Variants in WDR36 observed in about 807,000 individuals in gnomAD.
The protein encoded by WDR36 is WD repeat-containing protein 36.
WDR36 carries 63 observed loss-of-function variants against 112.7 expected under a neutral mutation model. The ratio of observed to expected loss-of-function variants is 0.56; its 90% confidence interval spans 0.46 to 0.69. The LOEUF (loss-of-function observed/expected upper bound fraction) is 0.69, where lower values mean the gene tolerates loss of function less well. WDR36 is among the 30% of genes least tolerant of loss of function. WDR36 has a pLI of 0.00. For missense variants in WDR36, 1,226 were observed against 1,070.3 expected (o/e 1.15, Z -2.03); for synonymous variants, 410 against 362.2 (o/e 1.13, Z -1.50).
intron 16 of WDR36, among the ~76,000 whole-genome samples, chr5:111,116,805 A>G (rs117545516): frequency 6.6e-6 from 1 of 152,344 alleles, no homozygotes; most frequent in East Asian, 1.9e-4. Flanking sequence ...AAATGAAGTT[A>G]CACAATGAAG....
At chr5:111,100,541 CA>C in intron 4 of WDR36, 47 bp from the exon 5 acceptor site, 1 of 1,273,902 alleles carries the variant, frequency 7.8e-7, no homozygotes, top group East Asian at 2.6e-5. Context: ...TTACATAAAA[CA>C]TTTTAAACTA....
Position 111,121,082 on chromosome 5 carries a change from A to T in WDR36, c.2089A>T (p.Thr697Ser), listed in dbSNP as rs1326761901. The change falls in exon 19 of 23, where the codon ACT becomes TCT. Residue 697 changes from threonine (T) to serine (S), a missense_variant. Transcript: ENST00000513710. ...AGAACAGTTGAATGAGCAATTGGTG[A>T]CTCTTTCACTTCTTCCTGAATCACG... is the stretch of plus-strand genomic sequence containing the variant. ...SPEQLNEQLV[T>S]LSLLPESRWK... 6.2e-7 allele frequency: 1 copy of T among 1,613,318 alleles called. No homozygotes were observed. The highest frequency in any genetic ancestry group is 2.2e-5 in the East Asian group (1 of 44,782).
rs2112597869 is a variant in WDR36 at position 111,129,831 on chromosome 5, CAT to C, written c.*2949_*2950del. On this transcript the variant is annotated 3_prime_UTR_variant, in exon 23 of 23. Transcript: ENST00000513710. ...TCACGTCATGTATTTTCCTCTACGA[CAT>C]GTTTCTGTGTGAGTAGTTAACATGT... is the stretch of plus-strand genomic sequence containing the variant. 2 of 207,084 alleles carry C rather than the reference CAT, an allele frequency of 9.7e-6. No homozygotes were observed. The highest frequency in any genetic ancestry group is 3.8e-4 in the South Asian group (2 of 5,322). 12.8% of individuals were successfully genotyped at this position (207,084 alleles called of 1,614,324 possible).
intron 20 of WDR36, 63 bp from the exon 21 acceptor site, chr5:111,124,045 A>G: frequency 6.2e-7 from 1 of 1,601,206 alleles, no homozygotes; most frequent in Non-Finnish European, 8.5e-7. Context: ...TTTTAATTAC[A>G]AACTATACAT....
intron 22 of WDR36, 113 bp downstream of exon 22, chr5:111,125,908 TA>T: frequency 9.4e-7 from 1 of 1,062,194 alleles, no homozygotes. Flanking sequence ...TCCAGTATCA[TA>T]GCCACTTGCC....
chr5:111,110,058 TA>T lies in WDR36; in HGVS notation c.1327-129del, dbSNP rs796149781. 85 of 686,512 alleles carry T rather than the reference TA, an allele frequency of 1.2e-4. No individual in the cohort carries two copies. In the African/African-American group the frequency reaches 1.4e-3, roughly 11 times the overall value. 42.5% of individuals were successfully genotyped at this position (686,512 alleles called of 1,614,324 possible). Reference sequence around the variant, plus strand: ...TATAATTACTTTATGTTAAAAAAACTAATGAAGCAATTCATTTATTGTTCTT... The same window carrying T: ...TATAATTACTTTATGTTAAAAAAACTATGAAGCAATTCATTTATTGTTCTT... On this transcript the variant is annotated intron_variant, in intron 12 of 22. Coordinates refer to ENST00000513710, the MANE Select transcript of WDR36 (RefSeq NM_139281.3).
At position 111,092,583 on chromosome 5, in the gene WDR36, A is replaced by G. The variant is rs1464273931; in HGVS notation, c.127A>G (p.Thr43Ala). The change falls in exon 1 of 23, where the codon ACA becomes GCA. Residue 43 changes from threonine to alanine, a missense_variant. Thr to Ala is a moderately conservative substitution (Grantham distance 58). Coordinates refer to ENST00000513710, the MANE Select transcript of WDR36 (RefSeq NM_139281.3). ...FSALKRRFYV[T>A]TCVGKSFHTY... ...CGCGCTCAAGCGCCGGTTCTATGTAACAACCTGCGTGGGCAAGAGTTTCCA... is the reference window on the plus strand; with the variant it reads ...CGCGCTCAAGCGCCGGTTCTATGTAGCAACCTGCGTGGGCAAGAGTTTCCA... The G allele has an allele frequency of 1.9e-6, 3 of 1,614,090 alleles. No individual in the cohort carries two copies. The highest frequency in any genetic ancestry group is 1.7e-5 in the Admixed American group (1 of 60,028).
intron 22 of WDR36, among the ~76,000 whole-genome samples, chr5:111,126,506 G>T (rs1476247826): frequency 6.6e-6 from 1 of 152,042 alleles, no homozygotes; most frequent in Non-Finnish European, 1.5e-5. Flanking sequence ...AGGTGGAGAG[G>T]AGTGATGACC....
chr5:111,110,417 T>A, intron 13 of WDR36, 114 bp downstream of exon 13: 2 of 873,498 alleles, frequency 2.3e-6, no homozygotes, highest in East Asian at 2.6e-5. Context: ...TGAAGATGGG[T>A]TATAATCAAC....
chr5:111,117,198 C>T (rs1290795487), intron 16 of WDR36, among the ~76,000 whole-genome samples: 1 of 152,168 alleles, frequency 6.6e-6, no homozygotes, highest in East Asian at 1.9e-4. Context: ...GCTCCCTTCC[C>T]CATAATGGAC....
rs1345693626 is a variant in WDR36, at chr5:111,098,096, G to A, written c.292-626G>A. Among the ~76,000 whole-genome samples, 41 of 152,136 alleles carry A rather than the reference G, an allele frequency of 2.7e-4. 1 individual carries two copies. The highest frequency in any genetic ancestry group is 2.7e-3 in the Admixed American group (41 of 15,276). ...TATGCACAGGTGTGGTCAGGGTTAG[G>A]GGAACAAAATAGGGGTGGGGAGGCG... On this transcript the variant is annotated intron_variant, in intron 3 of 22. Transcript: ENST00000513710.
At chr5:111,113,464 C>G (rs1561707229) in intron 16 of WDR36, among the ~76,000 whole-genome samples, 1 of 151,986 alleles carries the variant, frequency 6.6e-6, no homozygotes, top group East Asian at 1.9e-4. Context: ...CAAAATAAAG[C>G]TCAGACTTAA....
intron 21 of WDR36, among the ~76,000 whole-genome samples, chr5:111,124,517 G>A (rs180724256): frequency 1.3e-5 from 2 of 152,022 alleles, no homozygotes; most frequent in Admixed American, 6.5e-5. Flanking sequence ...TTTGTTTGTC[G>A]TTTTTGTAGC....
In WDR36 at chr5:111,092,660, C is replaced by T. The variant is rs368121947; in HGVS notation, c.162+42C>T. ...GTTAGCTTCCCAGGAAAACCACCCT[C>T]CTTGGCCTCTAACTCTGTCCTGGAG... On this transcript the variant is annotated intron_variant, in intron 1 of 22. Coordinates refer to ENST00000513710, the MANE Select transcript of WDR36 (RefSeq NM_139281.3). 12 of 1,586,194 alleles carry T rather than the reference C, an allele frequency of 7.6e-6. No homozygotes were observed. The East Asian group carries it at 1.6e-4, about 21-fold the overall frequency.
Position 111,123,800 on chromosome 5 carries a change from A to G in WDR36, c.2149-5A>G. On this transcript the variant is annotated splice_region_variant and splice_polypyrimidine_tract_variant and intron_variant, in intron 19 of 22. Coordinates refer to ENST00000513710, the MANE Select transcript of WDR36 (RefSeq NM_139281.3). ...TATTTTTCTTTCTCATTTTCTCTTA[A>G]TCAGAAAAAGAATAAACCAAAGGAA... The G allele has an allele frequency of 6.2e-7, 1 of 1,613,346 alleles. No homozygotes were observed. The highest frequency in any genetic ancestry group is 8.5e-7 in the Non-Finnish European group (1 of 1,179,764).
In WDR36 at chr5:111,130,091, G is replaced by A. The variant is rs1753761100; in HGVS notation, c.*3208G>A. On this transcript the variant is annotated 3_prime_UTR_variant, in exon 23 of 23. Coordinates refer to ENST00000513710, the MANE Select transcript of WDR36 (RefSeq NM_139281.3). ...GTTCTATAAAAATTGGTTAACTGCT[G>A]GTGAGCACATCTCTTGAAGTTTTGA... 1 of 210,252 alleles carries A rather than the reference G, an allele frequency of 4.8e-6. No homozygotes were observed. The highest frequency in any genetic ancestry group is 2.3e-5 in the African/African-American group (1 of 44,052). The allele number at this position is 210,252 out of a possible 1,614,324, so 13.0% of individuals were successfully genotyped here.
At chr5:111,100,807 C>A in intron 5 of WDR36, 86 bp downstream of exon 5, 1 of 1,364,248 alleles carries the variant, frequency 7.3e-7, no homozygotes, top group East Asian at 2.4e-5. Context: ...TCATTTCTCC[C>A]TGCCCTTGTA....
rs1753738733 is a variant in WDR36 at position 111,129,321 on chromosome 5, G to C, written c.*2438G>C. The C allele has an allele frequency of 5.1e-6, 1 of 194,624 alleles. No individual in the cohort carries two copies. The highest frequency in any genetic ancestry group is 6.1e-5 in the Admixed American group (1 of 16,378). The allele number at this position is 194,624 out of a possible 1,614,324, so 12.1% of individuals were successfully genotyped here. ...TTAATTTGAAGAGATACTTCCATTT[G>C]GGTTCCAGAATGGCTGTATCAAGTT... On this transcript the variant is annotated 3_prime_UTR_variant, in exon 23 of 23. Transcript: ENST00000513710.
At chr5:111,098,120 C>T (rs759214075) in intron 3 of WDR36, among the ~76,000 whole-genome samples, 1 of 151,996 alleles carries the variant, frequency 6.6e-6, no homozygotes, top group African/African-American at 2.4e-5. Context: ...GGTGGGGAGG[C>T]GTCAGACACT....
Sources: allele counts gnomAD v4.1 joint callset (sites outside exome capture counted in the v4.1 genomes callset), GRCh38; gene constraint gnomAD v4.1.1; transcripts MANE v1.5; gene names NCBI Gene and HGNC (gene_info 2026-07-23, HGNC 2026-07-21).